The following RPS6KA2 variants were observed in gnomAD, a reference collection of about 807,000 sequenced individuals.
The protein encoded by RPS6KA2 is ribosomal protein S6 kinase alpha-2.
RPS6KA2 carries 42 observed loss-of-function variants against 91.8 expected under a neutral mutation model. That is an observed-to-expected ratio of 0.46 (90% CI 0.36 to 0.59). RPS6KA2 has a LOEUF of 0.59. RPS6KA2 is among the 20% of genes least tolerant of loss of function. RPS6KA2 has a pLI of 0.00. For synonymous variants in RPS6KA2, 414 were observed against 393.6 expected (o/e 1.05, Z -0.61); for missense variants, 798 against 978.5 (o/e 0.82, Z 2.46).
At chr6:166,461,705 A>G (rs1780314881) in intron 11 of RPS6KA2, among the ~76,000 whole-genome samples, 2 of 152,216 alleles carry the variant, frequency 1.3e-5, no homozygotes, top group Admixed American at 6.5e-5. Context: ...GATTTCCATT[A>G]AAAACAAAAT....
Position 166,620,885 on chromosome 6 carries a change from A to T in RPS6KA2, c.99+6036T>A, listed in dbSNP as rs190679103. On this transcript the variant is annotated intron_variant, in intron 1 of 20. Transcript: ENST00000265678. Reference sequence around the variant, plus strand: ...ACAGCAAGAACACTAGGGCAGTGTGAGGTGGCTGGGAGAAGGGGCAGCCGG... The same window carrying T: ...ACAGCAAGAACACTAGGGCAGTGTGTGGTGGCTGGGAGAAGGGGCAGCCGG... Among the ~76,000 whole-genome samples, 15 of 152,350 alleles carry T rather than the reference A, an allele frequency of 9.8e-5. No homozygotes were observed. The East Asian group carries it at 2.9e-3, about 29-fold the overall frequency.
intron 10 of RPS6KA2, among the ~76,000 whole-genome samples, chr6:166,482,155 T>C (rs1253572164): frequency 6.6e-6 from 1 of 152,246 alleles, no homozygotes; most frequent in Admixed American, 6.5e-5. Context: ...ACTGCACATA[T>C]ACCTCTCTGA....
Position 166,418,567 on chromosome 6 carries a change from G to A in RPS6KA2, c.1821-225C>T, listed in dbSNP as rs1778619552. On this transcript the variant is annotated intron_variant, in intron 18 of 20. Coordinates refer to ENST00000265678, the MANE Select transcript of RPS6KA2 (RefSeq NM_021135.6). The surrounding 1 kb of genome is among the most constrained non-coding windows in gnomAD (Gnocchi z 4.9). ...TAGAGGTTGATGGGCAAGTGGGAGA[G>A]CCCTGTGAGACCTGTGCTGTATCCC... 3.3e-5 allele frequency among the ~76,000 whole-genome samples: 5 copies of A among 152,352 alleles called. No homozygotes were observed. The South Asian group carries it at 1.0e-3, about 32-fold the overall frequency.
At chr6:166,640,526 C>T (rs1298996609) in intron 2 of RPS6KA2, among the ~76,000 whole-genome samples, 2 of 152,140 alleles carry the variant, frequency 1.3e-5, no homozygotes, top group Admixed American at 6.5e-5. Context: ...GAGGCAGCAC[C>T]GCCCTTCCCT....
intron 14 of RPS6KA2, among the ~76,000 whole-genome samples, chr6:166,447,833 G>C (rs1197269413): frequency 6.6e-6 from 1 of 152,194 alleles, no homozygotes; most frequent in East Asian, 1.9e-4. Flanking sequence ...GGAGGGTCCT[G>C]GTCATGATGG....
chr6:166,758,763 A>T (rs1028445451), intron 2 of RPS6KA2, among the ~76,000 whole-genome samples: 3 of 152,230 alleles, frequency 2.0e-5, no homozygotes, highest in African/African-American at 7.2e-5. Context: ...AAAGGCAAAG[A>T]GGAAATTTAA....
chr6:166,802,521 G>A (rs1383615072), intron 2 of RPS6KA2, among the ~76,000 whole-genome samples: 1 of 152,168 alleles, frequency 6.6e-6, no homozygotes, highest in Non-Finnish European at 1.5e-5. Context: ...TAACAGTGAG[G>A]CTGCCTTTGC....
intron 2 of RPS6KA2, among the ~76,000 whole-genome samples, chr6:166,534,855 A>G (rs2128493297): frequency 6.6e-6 from 1 of 152,370 alleles, no homozygotes; most frequent in East Asian, 1.9e-4. Context: ...TCGCAAGCAC[A>G]GGACCCAGTG....
At chr6:166,441,653 C>T (rs904098495) in intron 14 of RPS6KA2, among the ~76,000 whole-genome samples, 3 of 152,356 alleles carry the variant, frequency 2.0e-5, no homozygotes, top group Non-Finnish European at 4.4e-5. Context: ...TCTCCGGCCC[C>T]GTGCGGCTCA....
rs571518715 is a variant in RPS6KA2 at position 166,657,065 on chromosome 6, C to A, written c.124-118281G>T. 3.3e-5 allele frequency among the ~76,000 whole-genome samples: 5 copies of A among 152,150 alleles called. No homozygotes were observed. In the South Asian group the frequency reaches 1.0e-3, roughly 32 times the overall value. ...CCTCACCCAGGAAACGGGAAGAGCC[C>A]CACCCCCAACACAGAGACGGTGGGG... is the stretch of plus-strand genomic sequence containing the variant. On this transcript the variant is annotated intron_variant, in intron 2 of 21. Coordinates refer to the RPS6KA2 transcript ENST00000503859.
In RPS6KA2 at chr6:166,438,330, C is replaced by T. The variant is rs193182232; in HGVS notation, c.1333-5840G>A. On this transcript the variant is annotated intron_variant, in intron 14 of 20. Coordinates refer to ENST00000265678, the MANE Select transcript of RPS6KA2 (RefSeq NM_021135.6). ...TGTGAAGATGGGCACAGAAACACCA[C>T]GTTCTTTTCAACGGTCTCACGTGAG... Among the ~76,000 whole-genome samples, 27 of 152,288 alleles carry T rather than the reference C, an allele frequency of 1.8e-4. No individual in the cohort carries two copies. The East Asian group carries it at 1.9e-3, about 11-fold the overall frequency.
intron 1 of RPS6KA2, among the ~76,000 whole-genome samples, chr6:166,577,793 A>G (rs1019247232): frequency 2.6e-5 from 4 of 152,190 alleles, no homozygotes; most frequent in Non-Finnish European, 4.4e-5. Context: ...ATGTGAGGAC[A>G]TGAAATTTGG....
intron 2 of RPS6KA2, among the ~76,000 whole-genome samples, chr6:166,718,122 A>G (rs1339616385): frequency 1.3e-5 from 2 of 152,222 alleles, no homozygotes; most frequent in African/African-American, 2.4e-5. Context: ...TGCTGGGATT[A>G]CAGGCGTGAA....
At chr6:166,555,253 G>A (rs1277907310) in intron 1 of RPS6KA2, among the ~76,000 whole-genome samples, 1 of 152,216 alleles carries the variant, frequency 6.6e-6, no homozygotes, top group East Asian at 1.9e-4. Flanking sequence ...GCATTCATCA[G>A]GCCGCACTCT....
At chr6:166,604,197 T>C (rs989759656) in intron 1 of RPS6KA2, among the ~76,000 whole-genome samples, 1 of 152,196 alleles carries the variant, frequency 6.6e-6, no homozygotes, top group Non-Finnish European at 1.5e-5. Context: ...TGCATGGAGA[T>C]GTGACGGGGA....
chr6:166,703,734 A>C (rs1240076330), intron 2 of RPS6KA2, among the ~76,000 whole-genome samples: 3 of 152,268 alleles, frequency 2.0e-5, no homozygotes, highest in Non-Finnish European at 4.4e-5. Flanking sequence ...TGTTTAGAAG[A>C]ATGCAAGGCT....
chr6:166,833,075 G>A (rs1040966850), intron 2 of RPS6KA2, among the ~76,000 whole-genome samples: 3 of 152,190 alleles, frequency 2.0e-5, no homozygotes, highest in Non-Finnish European at 4.4e-5. Flanking sequence ...CTTACTGTGT[G>A]CCCACAGTTA....
intron 2 of RPS6KA2, among the ~76,000 whole-genome samples, chr6:166,783,828 ACACG>A (rs1778845085): frequency 1.2e-5 from 1 of 83,768 alleles, no homozygotes; most frequent in African/African-American, 3.8e-5. Flanking sequence ...CCACATATGC[ACACG>A]TGCACACCTA....
At chr6:166,640,532 T>G (rs972267315) in intron 2 of RPS6KA2, among the ~76,000 whole-genome samples, 1 of 152,170 alleles carries the variant, frequency 6.6e-6, no homozygotes, top group African/African-American at 2.4e-5. Flanking sequence ...GCACCGCCCT[T>G]CCCTGCTCCG....
Sources: gnomAD v4.1 joint callset for allele counts (sites outside exome capture counted in the v4.1 genomes callset) on GRCh38, gnomAD v4.1.1 for gene constraint, Gnocchi (gnomAD v3.1) non-coding constraint, MANE v1.5 for transcripts, NCBI Gene and HGNC (gene_info 2026-07-23, HGNC 2026-07-21) for gene names.